The following PROSER2 variants were observed in gnomAD, a reference collection of about 807,000 sequenced individuals.
PROSER2 encodes proline and serine rich 2.
In PROSER2, 18 loss-of-function variants were observed where a neutral mutation model predicts 14.6. That is an observed-to-expected ratio of 1.23 (90% CI 0.85 to 1.83). The LOEUF (loss-of-function observed/expected upper bound fraction) is 1.83. PROSER2 is among the 40% of genes most tolerant of loss of function. The pLI is 0.00. For missense variants in PROSER2, 823 were observed against 629.8 expected (o/e 1.31, Z -3.28); for synonymous variants, 367 against 286.4 (o/e 1.28, Z -2.84).
intron 3 of PROSER2, among the ~76,000 whole-genome samples, chr10:11,868,126 C>T (rs1461838928): frequency 6.6e-6 from 1 of 152,190 alleles, no homozygotes; most frequent in Non-Finnish European, 1.5e-5. Context: ...TTCTTTTTTA[C>T]TGTACTTCTG....
chr10:11,869,426 G>A lies in PROSER2; in HGVS notation c.392-64G>A. On this transcript the variant is annotated intron_variant, in intron 3 of 3. Coordinates refer to ENST00000277570, the MANE Select transcript of PROSER2 (RefSeq NM_153256.4). The surrounding 1 kb of genome is among the most constrained non-coding windows in gnomAD (Gnocchi z 4.4). ...TGAGGCTCTTTTCAGTTCAGCGAGA[G>A]GGAACTTCATGCATTTACTTTCACG... 3 of 1,262,296 alleles carry A rather than the reference G, an allele frequency of 2.4e-6. No individual in the cohort carries two copies. The South Asian group carries it at 3.6e-5, about 15-fold the overall frequency. 78.2% of individuals were successfully genotyped at this position (1,262,296 alleles called of 1,614,324 possible). A position where few individuals can be genotyped will look rare whatever the true frequency, so the allele number is the denominator to read the frequency against.
In PROSER2 at chr10:11,869,550, A is replaced by T. The variant is rs750629743; in HGVS notation, c.452A>T (p.Asp151Val). The T allele has an allele frequency of 1.9e-6, 3 of 1,611,360 alleles. No individual in the cohort carries two copies. The highest frequency in any genetic ancestry group is 2.2e-5 in the East Asian group (1 of 44,756). The change falls in exon 4 of 4, where the codon GAC (aspartate) becomes GTC (valine). Residue 151 changes from aspartate (D) to valine (V), a missense_variant. Coordinates refer to ENST00000277570, the MANE Select transcript of PROSER2 (RefSeq NM_153256.4). This position sits in a 1 kb window ranked among gnomAD's most constrained non-coding sequence, Gnocchi z 4.4. The part of the protein sequence containing the change: ...KQDAETPPPP[D>V]PPAPETLLAP... ...GATGCTGAGACTCCTCCACCTCCAG[A>T]CCCCCCGGCTCCCGAGACCCTTCTT...
chr10:11,829,277 A>G (rs1833657836), intron 1 of PROSER2, among the ~76,000 whole-genome samples: 1 of 151,754 alleles, frequency 6.6e-6, no homozygotes, highest in Non-Finnish European at 1.5e-5. Context: ...TTAGGTTCAA[A>G]AAAAAGTTTT....
Position 11,862,506 on chromosome 10 carries a change from A to T in PROSER2, c.139-4025A>T, listed in dbSNP as rs1834264145. ...CAGGAGTTCAAGATCAGCCTGGGCC[A>T]TGTAGCAAGACTTTGTCTCTACAAA... On this transcript the variant is annotated intron_variant, in intron 2 of 3. Coordinates refer to ENST00000277570, the MANE Select transcript of PROSER2 (RefSeq NM_153256.4). The surrounding 1 kb of genome is among the most constrained non-coding windows in gnomAD (Gnocchi z 4.2). Among the ~76,000 whole-genome samples the T allele has an allele frequency of 6.6e-6, 1 of 152,160 alleles. No individual in the cohort carries two copies. Among genetic ancestry groups the T allele is most frequent in the South Asian group, 2.1e-4 (1 of 4,824 alleles).
intron 1 of PROSER2, among the ~76,000 whole-genome samples, chr10:11,846,662 A>C (rs1833927350): frequency 6.6e-6 from 1 of 152,094 alleles, no homozygotes; most frequent in Non-Finnish European, 1.5e-5. Flanking sequence ...TTTATATTTC[A>C]TCCAGCACTG....
intron 2 of PROSER2, among the ~76,000 whole-genome samples, chr10:11,854,570 G>GC (rs1435595335): frequency 1.3e-5 from 2 of 151,636 alleles, no homozygotes; most frequent in East Asian, 3.9e-4. Flanking sequence ...CTCAGCCTTC[G>GC]CAAGTGCTGG....
In PROSER2 at chr10:11,856,201, A is replaced by G. The variant is rs1435598408; in HGVS notation, c.138+3986A>G. Reference sequence around the variant, plus strand: ...GGCCCGAGAAGGGCTTGAGATGTCCATATGTGACAGCTCTCCTCTCCATGG... The same window carrying G: ...GGCCCGAGAAGGGCTTGAGATGTCCGTATGTGACAGCTCTCCTCTCCATGG... On this transcript the variant is annotated intron_variant, in intron 2 of 3. Coordinates refer to ENST00000277570, the MANE Select transcript of PROSER2 (RefSeq NM_153256.4). This position sits in a 1 kb window ranked among gnomAD's most constrained non-coding sequence, Gnocchi z 5.3. Among the ~76,000 whole-genome samples the G allele has an allele frequency of 6.6e-6, 1 of 152,148 alleles. No individual in the cohort carries two copies. The highest frequency in any genetic ancestry group is 1.5e-5 in the Non-Finnish European group (1 of 68,014).
chr10:11,832,007 T>C (rs897214531), intron 1 of PROSER2, among the ~76,000 whole-genome samples: 1 of 152,086 alleles, frequency 6.6e-6, no homozygotes, highest in African/African-American at 2.4e-5. Context: ...TTTAAAAAAA[T>C]AAATTTAAAA....
chr10:11,853,803 C>T (rs919062046), intron 2 of PROSER2, among the ~76,000 whole-genome samples: 2 of 152,104 alleles, frequency 1.3e-5, no homozygotes, highest in African/African-American at 2.4e-5. Flanking sequence ...ACATTCCTTC[C>T]TCCTCCCTAC....
chr10:11,868,943 G>A (rs1022313072), intron 3 of PROSER2, among the ~76,000 whole-genome samples: 7 of 152,216 alleles, frequency 4.6e-5, no homozygotes, highest in Non-Finnish European at 8.8e-5. Context: ...GAGCCACCGC[G>A]CCCGGCCCAG....
Position 11,869,313 on chromosome 10 carries a change from TACC to T in PROSER2, c.392-173_392-171del. The T allele has an allele frequency of 4.9e-6, 3 of 618,532 alleles. No homozygotes were observed. The South Asian group carries it at 5.8e-5, about 12-fold the overall frequency. 38.3% of individuals were successfully genotyped at this position (618,532 alleles called of 1,614,324 possible). A position where few individuals can be genotyped will look rare whatever the true frequency, so the allele number is the denominator to read the frequency against. On this transcript the variant is annotated intron_variant, in intron 3 of 3. Coordinates refer to ENST00000277570, the MANE Select transcript of PROSER2 (RefSeq NM_153256.4). This position sits in a 1 kb window ranked among gnomAD's most constrained non-coding sequence, Gnocchi z 4.4. ...TCAGCGTGAGGTCATGAGCATGACA[TACC>T]ACCTTCTCCTTCCCTAGTCCCAGGA...
At chr10:11,843,514 C>T (rs552889522) in intron 1 of PROSER2, among the ~76,000 whole-genome samples, 26 of 151,970 alleles carry the variant, frequency 1.7e-4, no homozygotes, top group African/African-American at 6.0e-4. Context: ...GGTGAAACCC[C>T]GTCCCTACTA....
intron 1 of PROSER2, among the ~76,000 whole-genome samples, chr10:11,845,051 CATT>C (rs1833903903): frequency 6.6e-6 from 1 of 152,080 alleles, no homozygotes; most frequent in Admixed American, 6.6e-5. Flanking sequence ...CAGTGAATAA[CATT>C]ATAAGGTTGG....
At chr10:11,829,448 G>GT (rs1304330449) in intron 1 of PROSER2, among the ~76,000 whole-genome samples, 2 of 151,860 alleles carry the variant, frequency 1.3e-5, no homozygotes, top group African/African-American at 4.8e-5. Context: ...GCCAGGTGTG[G>GT]TAGTGTGTAC....
chr10:11,857,244 A>G (rs1202403577), intron 2 of PROSER2: 1 of 152,130 alleles, frequency 6.6e-6, no homozygotes. Flanking sequence ...GAGAGAGAGA[A>G]GAAAGCAAGA....
In PROSER2 at chr10:11,869,548, A is replaced by G. The variant is rs139064379; in HGVS notation, c.450A>G (p.Pro150=). 5.9e-4 allele frequency: 955 copies of G among 1,613,414 alleles called. 6 individuals carry two copies. In the African/African-American group the frequency reaches 0.011, roughly 18 times the overall value. The change falls in exon 4 of 4, where the codon CCA becomes CCG. Residue 150 remains proline, a synonymous_variant. Transcript: ENST00000277570. The surrounding 1 kb of genome is among the most constrained non-coding windows in gnomAD (Gnocchi z 4.4). The part of the protein sequence containing the change: ...RKQDAETPPP[P]DPPAPETLLA... ...AAGATGCTGAGACTCCTCCACCTCC[A>G]GACCCCCCGGCTCCCGAGACCCTTC...
rs1834336644 is a variant in PROSER2 at position 11,865,928 on chromosome 10, G to A, written c.139-603G>A. 6.6e-6 allele frequency among the ~76,000 whole-genome samples: 1 copy of A among 152,072 alleles called. No individual in the cohort carries two copies. The highest frequency in any genetic ancestry group is 2.4e-5 in the African/African-American group (1 of 41,394). On this transcript the variant is annotated intron_variant, in intron 2 of 3. Transcript: ENST00000277570. This position sits in a 1 kb window ranked among gnomAD's most constrained non-coding sequence, Gnocchi z 4.2. ...GGCCTGAGCTTCTGGGCAGTTCTTC[G>A]GGATGCAGCAGGTGGGTCACTGGCT...
chr10:11,833,064 A>G (rs1433305618), intron 1 of PROSER2, among the ~76,000 whole-genome samples: 3 of 151,700 alleles, frequency 2.0e-5, no homozygotes, highest in Non-Finnish European at 4.4e-5. Flanking sequence ...GGCTGGTCTC[A>G]AACTCCTGAC....
At chr10:11,859,241 C>G (rs10906029) in intron 2 of PROSER2, among the ~76,000 whole-genome samples, 145,331 of 152,006 alleles carry the variant, frequency 0.96, 69,772 homozygotes, top group East Asian at 1. Flanking sequence ...GGCCAAAACG[C>G]TGAAACCCCA....
Sources: allele counts gnomAD v4.1 joint callset (sites outside exome capture counted in the v4.1 genomes callset), GRCh38; gene constraint gnomAD v4.1.1; non-coding constraint Gnocchi (gnomAD v3.1); transcripts MANE v1.5; gene names NCBI Gene and HGNC (gene_info 2026-07-23, HGNC 2026-07-21).